RBPJ: variants seen among roughly 807,000 people sequenced by gnomAD.
RBPJ encodes recombination signal binding protein for immunoglobulin kappa J region, also known as recombining binding protein suppressor of hairless.
In RBPJ, 9 loss-of-function variants were observed where a neutral mutation model predicts 67.8. The ratio of observed to expected loss-of-function variants is 0.13; its 90% CI spans 0.08 to 0.23. The LOEUF is 0.23. RBPJ is among the 10% of genes least tolerant of loss of function. The pLI, the probability that RBPJ is intolerant of heterozygous loss-of-function variation, is 1.00. For missense variants in RBPJ, 305 were observed against 595.6 expected (o/e 0.51, Z 5.08); for synonymous variants, 198 against 203.3 (o/e 0.97, Z 0.22).
chr4:26,214,592 AG>A (rs1718568770), intron 1 of RBPJ, among the ~76,000 whole-genome samples: 1 of 143,802 alleles, frequency 7.0e-6, no homozygotes, highest in South Asian at 2.3e-4. Flanking sequence ...AAAGGAAGGA[AG>A]GGAGGAAACA....
intron 1 of RBPJ, among the ~76,000 whole-genome samples, chr4:26,249,715 G>C (rs1201515681): frequency 6.6e-6 from 1 of 151,266 alleles, no homozygotes; most frequent in African/African-American, 2.4e-5. Context: ...CACCAACCTA[G>C]TAACTTTTTA....
chr4:26,340,077 C>G (rs548924445), intron 1 of RBPJ, among the ~76,000 whole-genome samples: 1 of 152,038 alleles, frequency 6.6e-6, no homozygotes, highest in Admixed American at 6.5e-5. Flanking sequence ...GTACATACTA[C>G]TTACCAGTAC....
At chr4:26,115,441 G>C in the RBPJ span, among the ~76,000 whole-genome samples, 1 of 151,916 alleles carries the variant, frequency 6.6e-6, no homozygotes, top group South Asian at 2.1e-4. Context: ...CTGGAGTGCA[G>C]TGGCGCGATC....
At chr4:26,187,532 C>G (rs1033600424) in intron 1 of RBPJ, among the ~76,000 whole-genome samples, 5 of 152,122 alleles carry the variant, frequency 3.3e-5, no homozygotes, top group African/African-American at 7.2e-5. Flanking sequence ...TATATTTTAA[C>G]TCTGAGATAT....
rs1736343548 is a variant in RBPJ at position 26,432,659 on chromosome 4, T to C, written c.*1652T>C. 6.6e-6 allele frequency: 1 copy of C among 152,306 alleles called. No homozygotes were observed. The highest frequency in any genetic ancestry group is 2.1e-4 in the South Asian group (1 of 4,828). 9.4% of individuals were successfully genotyped at this position (152,306 alleles called of 1,614,324 possible). A position where few individuals can be genotyped will look rare whatever the true frequency, so the allele number is the denominator to read the frequency against. ...TACAGGAACCACGTGTGTAATGTTA[T>C]ACAACACAGTCTAGTAATACAATCA... On this transcript the variant is annotated 3_prime_UTR_variant, in exon 11 of 11. Transcript: ENST00000355476.
At chr4:26,225,045 G>A (rs1174867907) in intron 1 of RBPJ, among the ~76,000 whole-genome samples, 1 of 152,326 alleles carries the variant, frequency 6.6e-6, no homozygotes, top group South Asian at 2.1e-4. Flanking sequence ...ATGACTGATG[G>A]CAGTGGACTT....
chr4:26,209,569 TCCTCCTTCCCTGTCTCCCTC>T (rs1718294773), intron 1 of RBPJ, among the ~76,000 whole-genome samples: 1 of 146,654 alleles, frequency 6.8e-6, no homozygotes, highest in African/African-American at 2.5e-5. Flanking sequence ...CTCCCTCCCT[TCCTCCTTCCCTGTCTCCCTC>T]CCTTCCTCCT....
chr4:26,321,785 T>G (rs1230700499), intron 1 of RBPJ: 1 of 152,512 alleles, frequency 6.6e-6, no homozygotes, highest in Non-Finnish European at 1.5e-5. Flanking sequence ...TCGGTTGATT[T>G]ATCCACAACC....
chr4:26,343,607 G>C (rs1463102946), intron 1 of RBPJ, among the ~76,000 whole-genome samples: 1 of 151,730 alleles, frequency 6.6e-6, no homozygotes, highest in Non-Finnish European at 1.5e-5. Context: ...GAGTGCAGTG[G>C]TGTGATCTCA....
intron 1 of RBPJ, among the ~76,000 whole-genome samples, chr4:26,200,534 G>T (rs954983295): frequency 6.6e-6 from 1 of 152,136 alleles, no homozygotes. Context: ...AGCTGGGAAT[G>T]GTGGTGCATA....
chr4:26,297,840 CA>C (rs377298282), intron 1 of RBPJ, among the ~76,000 whole-genome samples: 2 of 149,686 alleles, frequency 1.3e-5, no homozygotes, highest in Non-Finnish European at 3.0e-5. Context: ...AAACAAAAAA[CA>C]AAAAAAAACC....
rs145254724 is a variant in RBPJ, at chr4:26,202,970, T to TAAGGAAGGAAGGAAGGAAGGAAGG, written c.-167+39371_-167+39394dup. On this transcript the variant is annotated intron_variant, in intron 1 of 4. Transcript: ENST00000512351. ...GGAAGGAAGAAAGGAAGGAAGGAAA[T>TAAGGAAGGAAGGAAGGAAGGAAGG]AAGGAAGGAAGGAAGGAAGGAAGGA... 5.4e-4 allele frequency among the ~76,000 whole-genome samples: 75 copies of TAAGGAAGGAAGGAAGGAAGGAAGG among 138,610 alleles called. 1 individual carries two copies. Among genetic ancestry groups the TAAGGAAGGAAGGAAGGAAGGAAGG allele is most frequent in the African/African-American group, 2.0e-3 (73 of 36,824 alleles). 90.9% of individuals were successfully genotyped at this position (138,610 alleles called of 152,430 possible). A position where few individuals can be genotyped will look rare whatever the true frequency, so the allele number is the denominator to read the frequency against.
At chr4:26,221,904 C>T (rs377195774) in intron 1 of RBPJ, among the ~76,000 whole-genome samples, 2 of 152,130 alleles carry the variant, frequency 1.3e-5, no homozygotes, top group Non-Finnish European at 2.9e-5. Context: ...TGCGGCCCAG[C>T]GCTGAACGAA....
intron 1 of RBPJ, among the ~76,000 whole-genome samples, chr4:26,354,397 A>C (rs189688439): frequency 6.6e-6 from 1 of 152,260 alleles, no homozygotes; most frequent in East Asian, 1.9e-4. Flanking sequence ...GGAAAACATA[A>C]AAAATGTAGT....
intron 1 of RBPJ, among the ~76,000 whole-genome samples, chr4:26,260,586 C>T (rs1720494021): frequency 6.6e-6 from 1 of 152,132 alleles, no homozygotes; most frequent in Non-Finnish European, 1.5e-5. Context: ...TCAAAATGGC[C>T]AGACAACGGA....
At chr4:26,235,361 A>G (rs1223305842) in intron 1 of RBPJ, among the ~76,000 whole-genome samples, 1 of 152,258 alleles carries the variant, frequency 6.6e-6, no homozygotes, top group Non-Finnish European at 1.5e-5. Context: ...GACCTAAATA[A>G]GATGTGTAAC....
chr4:26,367,098 T>A (rs1289877104), intron 1 of RBPJ, among the ~76,000 whole-genome samples: 1 of 152,060 alleles, frequency 6.6e-6, no homozygotes, highest in Non-Finnish European at 1.5e-5. Context: ...CACTTCAGCC[T>A]GGGCGACAGT....
chr4:26,138,956 C>T, the RBPJ span, among the ~76,000 whole-genome samples: 1 of 152,182 alleles, frequency 6.6e-6, no homozygotes, highest in Middle Eastern at 3.2e-3. Context: ...GCTCTGCGCT[C>T]AAGAGGAAAG....
At position 26,430,097 on chromosome 4, in the gene RBPJ, A is replaced by G. The variant is rs1447648611; in HGVS notation, c.1044+44A>G. 5 of 1,598,692 alleles carry G rather than the reference A, an allele frequency of 3.1e-6. No individual in the cohort carries two copies. The highest frequency in any genetic ancestry group is 2.7e-5 in the African/African-American group (2 of 74,526). On this transcript the variant is annotated intron_variant, in intron 9 of 10. Coordinates refer to ENST00000355476, the MANE Select transcript of RBPJ (RefSeq NM_015874.6). The surrounding 1 kb of genome is among the most constrained non-coding windows in gnomAD (Gnocchi z 4.1). ...AGTTGGCCTTCAGCTCTTTGCAGCT[A>G]CTCTCAGCTGTGACCTGGCATCATT...
Sources: gnomAD v4.1 joint callset for allele counts (sites outside exome capture counted in the v4.1 genomes callset) on GRCh38, gnomAD v4.1.1 for gene constraint, Gnocchi (gnomAD v3.1) non-coding constraint, MANE v1.5 for transcripts, NCBI Gene and HGNC (gene_info 2026-07-23, HGNC 2026-07-21) for gene names.